The following ACAA2 variants were observed in gnomAD, a reference collection of about 807,000 sequenced individuals.
ACAA2 encodes acetyl-CoA acyltransferase 2, also known as 3-ketoacyl-CoA thiolase, mitochondrial.
A neutral mutation model predicts 44.8 loss-of-function variants in ACAA2; 35 were observed. The ratio of observed to expected loss-of-function variants is 0.78; its 90% CI spans 0.60 to 1.04. The LOEUF (loss-of-function observed/expected upper bound fraction) is 1.04. Ranked by LOEUF, ACAA2 falls within the 50% of genes least tolerant of loss-of-function variation. The pLI is 0.00. For missense variants in ACAA2, 468 were observed against 482.6 expected (o/e 0.97, Z 0.28); for synonymous variants, 142 against 166.5 (o/e 0.85, Z 1.13).
rs1355631177 is a variant in ACAA2 at position 49,783,188 on chromosome 18, A to G, written c.*659T>C. The G allele has an allele frequency of 6.6e-6, 1 of 152,278 alleles. No homozygotes were observed. Among genetic ancestry groups the G allele is most frequent in the East Asian group, 1.9e-4 (1 of 5,198 alleles). 9.4% of individuals were successfully genotyped at this position (152,278 alleles called of 1,614,324 possible). Reference sequence around the variant, plus strand: ...TGAGAACATTATATAAAGTAAAGTAAAATAAGCCAGTCACGAAAGGACAGA... The same window carrying G: ...TGAGAACATTATATAAAGTAAAGTAGAATAAGCCAGTCACGAAAGGACAGA... On this transcript the variant is annotated 3_prime_UTR_variant, in exon 10 of 10. Transcript: ENST00000285093.
At position 49,803,017 on chromosome 18, in the gene ACAA2, T is replaced by C. The variant is rs576360154; in HGVS notation, c.17-164A>G. The C allele has an allele frequency of 1.5e-5, 12 of 793,974 alleles. No individual in the cohort carries two copies. In the African/African-American group the frequency reaches 1.5e-4, roughly 10 times the overall value. The allele number at this position is 793,974 out of a possible 1,614,324, so 49.2% of individuals were successfully genotyped here. The stretch of plus-strand genomic sequence containing the variant: ...AAGTCATACCCATGGAAGCAGAGTC[T>C]TAAGGACTACCAGTTTGACAGTTTG... On this transcript the variant is annotated intron_variant, in intron 1 of 9. Coordinates refer to ENST00000285093, the MANE Select transcript of ACAA2 (RefSeq NM_006111.3).
chr18:49,808,071 C>G (rs1286998009), intron 1 of ACAA2, among the ~76,000 whole-genome samples: 1 of 150,290 alleles, frequency 6.7e-6, no homozygotes, highest in African/African-American at 2.4e-5. Flanking sequence ...ATACAGATGG[C>G]AAATAAGCAT....
chr18:49,809,827 G>A (rs2023649168), intron 1 of ACAA2, among the ~76,000 whole-genome samples: 1 of 152,108 alleles, frequency 6.6e-6, no homozygotes, highest in Admixed American at 6.5e-5. Context: ...AAAACCCATA[G>A]AACTATACAA....
chr18:49,808,792 A>C (rs2023637188), intron 1 of ACAA2, among the ~76,000 whole-genome samples: 1 of 152,228 alleles, frequency 6.6e-6, no homozygotes, highest in Non-Finnish European at 1.5e-5. Flanking sequence ...GGCAAAATCA[A>C]AAACTCCTGA....
chr18:49,802,644 C>G, intron 2 of ACAA2, 43 bp downstream of exon 2: 1 of 1,546,848 alleles, frequency 6.5e-7, no homozygotes, highest in Non-Finnish European at 8.7e-7. Context: ...AGAAACTGAT[C>G]AAAGAAGCAA....
Position 49,796,603 on chromosome 18 carries a change from A to C in ACAA2, c.313-722T>G, listed in dbSNP as rs77319053. Reference sequence around the variant, plus strand: ...CTCAAAGAAACAAATGTATTTAACCAACTGTCCTTTAAAAAGGTCAAACTA... The same window carrying C: ...CTCAAAGAAACAAATGTATTTAACCCACTGTCCTTTAAAAAGGTCAAACTA... On this transcript the variant is annotated intron_variant, in intron 3 of 9. Coordinates refer to ENST00000285093, the MANE Select transcript of ACAA2 (RefSeq NM_006111.3). Among the ~76,000 whole-genome samples, 699 of 152,340 alleles carry C rather than the reference A, an allele frequency of 4.6e-3. 5 individuals carry two copies. The highest frequency in any genetic ancestry group is 0.015 in the African/African-American group (618 of 41,586).
chr18:49,795,656 A>G (rs752727192), intron 4 of ACAA2, 109 bp downstream of exon 4: 181 of 595,892 alleles, frequency 3.0e-4, no homozygotes, highest in Non-Finnish European at 4.7e-4. Flanking sequence ...ATCCTCATCA[A>G]CGAAATTGGC....
At chr18:49,799,867 G>A (rs1263623052) in intron 2 of ACAA2, among the ~76,000 whole-genome samples, 9 of 33,514 alleles carry the variant, frequency 2.7e-4, no homozygotes, top group African/African-American at 6.0e-4. Context: ...CTGCCCGGCC[G>A]CGACCCCATC....
In ACAA2 at chr18:49,783,802, G is replaced by C; in HGVS notation, c.*45C>G. The C allele has an allele frequency of 1.3e-6, 2 of 1,546,284 alleles. No homozygotes were observed. Among genetic ancestry groups the C allele is most frequent in the Non-Finnish European group, 1.8e-6 (2 of 1,121,442 alleles). ...AAGGTCACTTGTTTTACTGTGGCCT[G>C]GCCAAGTAGAGTAAGGATGGGTCAC... is the stretch of plus-strand genomic sequence containing the variant. On this transcript the variant is annotated 3_prime_UTR_variant, in exon 10 of 10. Coordinates refer to ENST00000285093, the MANE Select transcript of ACAA2 (RefSeq NM_006111.3).
rs750433933 is a variant in ACAA2 at position 49,795,871 on chromosome 18, A to C, written c.323T>G (p.Val108Gly). 11 of 1,609,172 alleles carry C rather than the reference A, an allele frequency of 6.8e-6. No individual in the cohort carries two copies. Among genetic ancestry groups the C allele is most frequent in the Admixed American group, 5.0e-5 (3 of 59,512 alleles). The change falls in exon 4 of 10, where the codon GTT becomes GGT. Residue 108 changes from valine to glycine, a missense_variant. Coordinates refer to ENST00000285093, the MANE Select transcript of ACAA2 (RefSeq NM_006111.3). ...ACATAAAACAACTTCAGCTTCTTTA[A>C]CACAAATTTCCTATTTAAAAACAAA... is the stretch of plus-strand genomic sequence containing the variant. ...SIVNGCQEIC[V>G]KEAEVVLCGG...
At chr18:49,791,381 G>T (rs2023396690) in intron 7 of ACAA2, 89 bp downstream of exon 7, 2 of 1,338,340 alleles carry the variant, frequency 1.5e-6, no homozygotes, top group South Asian at 1.3e-5. Flanking sequence ...AGGTGACCTT[G>T]GTTTGGCCAC....
intron 1 of ACAA2, among the ~76,000 whole-genome samples, chr18:49,810,046 A>T (rs1162236992): frequency 6.6e-6 from 1 of 152,178 alleles, no homozygotes; most frequent in Non-Finnish European, 1.5e-5. Context: ...AAAGTTTGTA[A>T]ATTTTTTCTT....
At chr18:49,795,623 TTCTAA>T in intron 4 of ACAA2, 137 bp downstream of exon 4, 1 of 514,360 alleles carries the variant, frequency 1.9e-6, no homozygotes, top group South Asian at 3.2e-5. Context: ...GTTTACAAAC[TTCTAA>T]TCATTCATAT....
chr18:49,787,063 C>T lies in ACAA2; in HGVS notation c.954+228G>A, dbSNP rs192711173. Among the ~76,000 whole-genome samples the T allele has an allele frequency of 1.1e-4, 16 of 151,994 alleles. 1 individual carries two copies. The East Asian group carries it at 3.1e-3, about 29-fold the overall frequency. ...GAATTTATACTTGAGTAAGAGAAAT[C>T]AGGCAGTTTGAATATTCAAATATAA... On this transcript the variant is annotated intron_variant, in intron 8 of 9. Coordinates refer to ENST00000285093, the MANE Select transcript of ACAA2 (RefSeq NM_006111.3).
At chr18:49,792,652 T>C (rs2023417648) in intron 5 of ACAA2, among the ~76,000 whole-genome samples, 1 of 152,190 alleles carries the variant, frequency 6.6e-6, no homozygotes, top group African/African-American at 2.4e-5. Flanking sequence ...TTCTCCATGT[T>C]GGCCATGCTA....
In ACAA2 at chr18:49,802,819, A is replaced by G. The variant is rs201044385; in HGVS notation, c.51T>C (p.Phe17=). ...VFVVAAKRTP[F]GAYGGLLKDF... is the part of the protein sequence containing the mutation. ...CTTTCAGAAGGCCTCCGTAAGCTCC[A>G]AAGGGCGTTCGCTTAGCAGCAACTA... is the stretch of plus-strand genomic sequence containing the variant. The change falls in exon 2 of 10, where the codon TTT becomes TTC. Residue 17 remains phenylalanine, a synonymous_variant. Coordinates refer to ENST00000285093, the MANE Select transcript of ACAA2 (RefSeq NM_006111.3). 5.0e-6 allele frequency: 8 copies of G among 1,614,170 alleles called. No homozygotes were observed. In the Admixed American group the frequency reaches 6.7e-5, roughly 13 times the overall value.
chr18:49,793,116 T>A (rs1361441897), intron 5 of ACAA2, among the ~76,000 whole-genome samples: 2 of 152,168 alleles, frequency 1.3e-5, no homozygotes, highest in Non-Finnish European at 2.9e-5. Flanking sequence ...TACCAAGTTG[T>A]CTATGCCACA....
chr18:49,801,808 A>ATC (rs2023552214), intron 2 of ACAA2, among the ~76,000 whole-genome samples: 1 of 144,408 alleles, frequency 6.9e-6, no homozygotes, highest in African/African-American at 2.6e-5. Flanking sequence ...ATATATATAT[A>ATC]TATATATCTT....
chr18:49,813,151 C>T (rs1200911625), intron 1 of ACAA2: 3 of 282,988 alleles, frequency 1.1e-5, no homozygotes, highest in Non-Finnish European at 2.0e-5. Context: ...TTTTCTAATA[C>T]TTGGACTCGA....
Sources: gnomAD v4.1 joint callset for allele counts (sites outside exome capture counted in the v4.1 genomes callset) on GRCh38, gnomAD v4.1.1 for gene constraint, MANE v1.5 for transcripts, NCBI Gene and HGNC (gene_info 2026-07-23, HGNC 2026-07-21) for gene names.